DIP2B: variants seen among roughly 807,000 people sequenced by gnomAD.
DIP2B encodes the protein disco-interacting protein 2 homolog B.
DIP2B carries 76 observed loss-of-function variants against 198.0 expected under a neutral mutation model. The observed-to-expected ratio is 0.38, with a 90% CI of 0.32 to 0.46. DIP2B has a LOEUF of 0.46. DIP2B is among the 20% of genes least tolerant of loss of function. DIP2B has a pLI of 0.99. For synonymous variants in DIP2B, 701 were observed against 739.1 expected (o/e 0.95, Z 0.84); for missense variants, 1,559 against 1,978.4 (o/e 0.79, Z 4.02).
chr12:50,551,433 C>CTG lies in DIP2B; in HGVS notation c.100+46207_100+46208dup, dbSNP rs527958350. Among the ~76,000 whole-genome samples, 370 of 151,182 alleles carry CTG rather than the reference C, an allele frequency of 2.4e-3. 2 individuals are homozygous for CTG. Among genetic ancestry groups the CTG allele is most frequent in the Non-Finnish European group, 3.2e-3 (217 of 67,696 alleles). ...GCGAGACTCCATCTCAGAAAAAAAT[C>CTG]TGTGTGTGTGTGTGTATGTGTGTAT... On this transcript the variant is annotated intron_variant, in intron 1 of 37. Coordinates refer to ENST00000301180, the MANE Select transcript of DIP2B (RefSeq NM_173602.3).
rs1019702513 is a variant in DIP2B, at chr12:50,660,316, C to T, written c.424C>T (p.Pro142Ser). The T allele has an allele frequency of 6.2e-7, 1 of 1,602,010 alleles. No homozygotes were observed. The highest frequency in any genetic ancestry group is 8.5e-7 in the Non-Finnish European group (1 of 1,175,124). ...VQSPADACTPPDTSSASEDEG... is the reference protein window; with the variant it reads ...VQSPADACTPSDTSSASEDEG... ...GTCTCCTGCAGATGCCTGCACACCT[C>T]CTGGTAGGTTTATCAGAGCTTTTTC... Residue 142 changes from proline (P) to serine (S), a missense_variant, in exon 4 of 38, where the codon CCT becomes TCT. By Grantham distance (74) the Pro-to-Ser change is moderately conservative. Coordinates refer to ENST00000301180, the MANE Select transcript of DIP2B (RefSeq NM_173602.3).
chr12:50,616,033 GACTT>G (rs1593658750), intron 1 of DIP2B, among the ~76,000 whole-genome samples: 1 of 152,206 alleles, frequency 6.6e-6, no homozygotes, highest in African/African-American at 2.4e-5. Context: ...CTGATGATGA[GACTT>G]ACAGATCATT....
At chr12:50,649,699 C>CA (rs1565858410) in intron 3 of DIP2B, among the ~76,000 whole-genome samples, 2 of 151,790 alleles carry the variant, frequency 1.3e-5, no homozygotes, top group Non-Finnish European at 2.9e-5. Context: ...ACTAAAAATA[C>CA]AAAAAAATTA....
At chr12:50,698,582 TTTAA>T in intron 18 of DIP2B, 115 bp downstream of exon 18, 3 of 1,290,032 alleles carry the variant, frequency 2.3e-6, no homozygotes, top group Non-Finnish European at 3.1e-6. Context: ...ACTTAACGCA[TTTAA>T]TTTCTCAGAG....
chr12:50,649,433 C>A (rs1328399838), intron 3 of DIP2B, among the ~76,000 whole-genome samples: 4 of 152,072 alleles, frequency 2.6e-5, no homozygotes, highest in Admixed American at 6.5e-5. Context: ...GCTAGACAGG[C>A]GTATATCTGG....
At chr12:50,563,952 A>G (rs992091993) in intron 1 of DIP2B, among the ~76,000 whole-genome samples, 1 of 152,132 alleles carries the variant, frequency 6.6e-6, no homozygotes, top group Non-Finnish European at 1.5e-5. Context: ...TAGCATCAGC[A>G]TTGGTCTGTG....
chr12:50,661,475 T>G (rs1171714587), intron 4 of DIP2B, among the ~76,000 whole-genome samples: 10 of 152,222 alleles, frequency 6.6e-5, no homozygotes, highest in Admixed American at 6.5e-4. Context: ...GCTCATTTAC[T>G]GTGTGTGCTT....
chr12:50,724,857 T>C lies in DIP2B; in HGVS notation c.3371T>C (p.Val1124Ala). 6.2e-7 allele frequency: 1 copy of C among 1,614,154 alleles called. No homozygotes were observed. The highest frequency in any genetic ancestry group is 1.7e-5 in the Admixed American group (1 of 60,012). Residue 1124 changes from valine to alanine, a missense_variant, in exon 28 of 38, where the codon GTG (valine) becomes GCG (alanine). By Grantham distance (64) the Val-to-Ala change is moderately conservative. Coordinates refer to ENST00000301180, the MANE Select transcript of DIP2B (RefSeq NM_173602.3). ...CGAGAGGCAGCAGCAGCTGTGGATG[T>C]GAAAACCTGGCCAACCATCATTGAC... ...RSREAAAAVD[V>A]KTWPTIIDTD...
intron 37 of DIP2B, 136 bp from the exon 38 acceptor site, chr12:50,744,451 T>A (rs1235554055): frequency 1.0e-5 from 12 of 1,148,222 alleles, no homozygotes; most frequent in Non-Finnish European, 1.4e-5. Flanking sequence ...GTGTCATATA[T>A]GGTAGACATG....
intron 1 of DIP2B, among the ~76,000 whole-genome samples, chr12:50,554,611 C>T (rs970652614): frequency 3.9e-5 from 6 of 152,048 alleles, no homozygotes; most frequent in South Asian, 2.1e-4. Context: ...CGTGGCATGG[C>T]GGTAGAATGG....
intron 1 of DIP2B, among the ~76,000 whole-genome samples, chr12:50,527,082 A>C (rs1368701793): frequency 5.3e-5 from 8 of 152,248 alleles, no homozygotes; most frequent in Non-Finnish European, 1.0e-4. Flanking sequence ...TTGGAAAAAA[A>C]CTGAATATTT....
intron 18 of DIP2B, 81 bp downstream of exon 18, chr12:50,698,548 C>T (rs770179917): frequency 2.3e-5 from 35 of 1,506,928 alleles, no homozygotes; most frequent in Non-Finnish European, 3.1e-5. Flanking sequence ...TACAGAATCC[C>T]AAACGAGGAA....
intron 20 of DIP2B, among the ~76,000 whole-genome samples, 160 bp downstream of exon 20, chr12:50,704,380 T>C (rs562205412): frequency 6.6e-6 from 1 of 152,346 alleles, no homozygotes; most frequent in South Asian, 2.1e-4. Flanking sequence ...TGAGTTAGTG[T>C]TTATCATTTC....
chr12:50,556,574 G>A (rs1555183895), intron 1 of DIP2B, among the ~76,000 whole-genome samples: 1 of 140,014 alleles, frequency 7.1e-6, no homozygotes, highest in South Asian at 2.3e-4. Flanking sequence ...TTTTTTTTGA[G>A]ATGGAGTCTC....
At position 50,654,978 on chromosome 12, in the gene DIP2B, CA is replaced by C. The variant is rs749757134; in HGVS notation, c.302-5212del. 6.5e-5 allele frequency: 29 copies of C among 445,990 alleles called. 2 individuals carry two copies. Among genetic ancestry groups the C allele is most frequent in the Middle Eastern group, 3.3e-4 (1 of 3,002 alleles). 27.6% of individuals were successfully genotyped at this position (445,990 alleles called of 1,614,324 possible). Reference sequence around the variant, plus strand: ...GGGGGAGGAATTTTTCAAGATGTGACAAAATTTAACACGTATTTGCTTTTTT... The same window carrying C: ...GGGGGAGGAATTTTTCAAGATGTGACAAATTTAACACGTATTTGCTTTTTT... On this transcript the variant is annotated intron_variant, in intron 3 of 37. Coordinates refer to ENST00000301180, the MANE Select transcript of DIP2B (RefSeq NM_173602.3).
chr12:50,622,229 C>T (rs547718916), intron 1 of DIP2B, among the ~76,000 whole-genome samples: 71 of 152,240 alleles, frequency 4.7e-4, no homozygotes, highest in Admixed American at 1.4e-3. Context: ...ACTTGGTAGG[C>T]TTCTGTACCC....
At chr12:50,695,120 TATATTTA>T in intron 14 of DIP2B, 140 bp from the exon 15 acceptor site, 1 of 588,440 alleles carries the variant, frequency 1.7e-6, no homozygotes, top group Non-Finnish European at 2.8e-6. Flanking sequence ...ACTTCAATCT[TATATTTA>T]ATATTTAAGA....
At chr12:50,545,395 C>T (rs1315153344) in intron 1 of DIP2B, among the ~76,000 whole-genome samples, 1 of 148,142 alleles carries the variant, frequency 6.8e-6, no homozygotes, top group South Asian at 2.2e-4. Context: ...CCCCTCCCTC[C>T]CCCTCCCCTC....
chr12:50,673,374 A>G (rs1327151654), intron 5 of DIP2B, among the ~76,000 whole-genome samples: 1 of 152,226 alleles, frequency 6.6e-6, no homozygotes. Flanking sequence ...AGGAAAATGT[A>G]TGATTTACAA....
Sources: gnomAD v4.1 joint callset for allele counts (sites outside exome capture counted in the v4.1 genomes callset) on GRCh38, gnomAD v4.1.1 for gene constraint, MANE v1.5 for transcripts, NCBI Gene and HGNC (gene_info 2026-07-23, HGNC 2026-07-21) for gene names.